GBP1: variants seen among roughly 807,000 people sequenced by gnomAD.
GBP1 encodes the protein guanylate binding protein 1.
Under a neutral mutation model 69.5 loss-of-function variants are expected in GBP1, and 64 were observed. The observed-to-expected ratio is 0.92, with a 90% CI of 0.75 to 1.13. GBP1 has a LOEUF of 1.13. Ranked by LOEUF, GBP1 falls within the 50% of genes most tolerant of loss-of-function variation. The pLI is 0.00. For missense variants in GBP1, 630 were observed against 704.1 expected, an observed-to-expected ratio of 0.89 and a Z score of 1.19; for synonymous variants, 250 against 261.2, an observed-to-expected ratio of 0.96 and a Z score of 0.41.
chr1:89,061,337 G>A (rs1260108339), intron 2 of GBP1, among the ~76,000 whole-genome samples: 1 of 152,068 alleles, frequency 6.6e-6, no homozygotes, highest in Admixed American at 6.5e-5. Flanking sequence ...CAATAGAATA[G>A]AAAAGACAGC....
rs774147151 is a variant in GBP1 at position 89,056,168 on chromosome 1, G to A, written c.1216C>T (p.Arg406Cys). The A allele has an allele frequency of 1.1e-5, 18 of 1,613,830 alleles. No individual in the cohort carries two copies. The highest frequency in any genetic ancestry group is 1.6e-4 in the Middle Eastern group (1 of 6,078). Residue 406 changes from arginine to cysteine, a missense_variant, in exon 8 of 11, where the codon CGT (arginine) becomes TGT (cysteine). This residue lies in a region of GBP1 where 367 missense variants were observed against 369.5 expected (regional missense o/e 0.99). Transcript: ENST00000370473. ...CKQNQEASSD[R>C]CSALLQVIFS... The stretch of plus-strand genomic sequence containing the variant: ...ATGACCTGAAGTAAAGCTGAGCAAC[G>A]ATCTGATGATGCTTCCTGATTCTGT...
chr1:89,052,600 A>C lies in GBP1; in HGVS notation c.*755T>G, dbSNP rs561142283. 1.7e-4 allele frequency: 26 copies of C among 152,238 alleles called. No individual in the cohort carries two copies. Among genetic ancestry groups the C allele is most frequent in the African/African-American group, 6.0e-4 (25 of 41,456 alleles). The allele number at this position is 152,238 out of a possible 1,614,324, so 9.4% of individuals were successfully genotyped here. A position where few individuals can be genotyped will look rare whatever the true frequency, so the allele number is the denominator to read the frequency against. On this transcript the variant is annotated 3_prime_UTR_variant, in exon 11 of 11. Coordinates refer to ENST00000370473, the MANE Select transcript of GBP1 (RefSeq NM_002053.3). ...AGTTACACAGCATCTTTTAAAGTCC[A>C]TCTTTGCAAATTATACGTTGCTATA... is the stretch of plus-strand genomic sequence containing the variant.
At position 89,058,219 on chromosome 1, in the gene GBP1, T is replaced by A. The variant is rs1168734846; in HGVS notation, c.647A>T (p.Asp216Val). Residue 216 changes from aspartate to valine, a missense_variant, in exon 6 of 11, where the codon GAT becomes GTT. By Grantham distance (152) the Asp-to-Val change is radical (BLOSUM62 -3). Transcript: ENST00000370473. ...GAGTCTGGGCAGGTTAAAAGTTTCATCTTTTTGACTGGTACCTAGAAAAAC... is the reference window on the plus strand; with the variant it reads ...GAGTCTGGGCAGGTTAAAAGTTTCAACTTTTTGACTGGTACCTAGAAAAAC... ...LKLKKGTSQK[D>V]ETFNLPRLCI... 1 of 1,590,896 alleles carries A rather than the reference T, an allele frequency of 6.3e-7. No individual in the cohort carries two copies. Among genetic ancestry groups the A allele is most frequent in the Non-Finnish European group, 8.5e-7 (1 of 1,171,172 alleles).
At chr1:89,055,366 C>T in intron 8 of GBP1, 151 bp from the exon 9 acceptor site, 2 of 1,342,140 alleles carry the variant, frequency 1.5e-6, no homozygotes, top group Non-Finnish European at 2.0e-6. Flanking sequence ...GCGACAGACA[C>T]ATGCTCCTGG....
At chr1:89,057,712 A>G (rs1400912005) in intron 6 of GBP1, among the ~76,000 whole-genome samples, 1 of 149,820 alleles carries the variant, frequency 6.7e-6, no homozygotes, top group African/African-American at 2.4e-5. Flanking sequence ...TAAATTATTT[A>G]CATTTATGTT....
At position 89,053,409 on chromosome 1, in the gene GBP1, C is replaced by G. The variant is rs1679966884; in HGVS notation, c.1725G>C (p.Glu575Asp). The change falls in exon 11 of 11, where the codon GAG becomes GAC. Residue 575 changes from glutamate to aspartate, a missense_variant. By Grantham distance (45) the Glu-to-Asp change is conservative. Transcript: ENST00000370473. Reference protein sequence around the residue: ...FQKESRIMKNEIQDLQTKMRR... With the variant: ...FQKESRIMKNDIQDLQTKMRR... The stretch of plus-strand genomic sequence containing the variant: ...TCATTTTCGTCTGGAGATCCTGTAT[C>G]TCATTTTTCATTATTCTGCTTTCTT... The G allele has an allele frequency of 1.2e-6, 2 of 1,613,722 alleles. No individual in the cohort carries two copies. Among genetic ancestry groups the G allele is most frequent in the African/African-American group, 1.3e-5 (1 of 74,984 alleles).
At position 89,052,438 on chromosome 1, in the gene GBP1, G is replaced by A. The variant is rs767913751; in HGVS notation, c.*917C>T. 6.6e-6 allele frequency: 1 copy of A among 152,144 alleles called. No homozygotes were observed. The highest frequency in any genetic ancestry group is 2.1e-4 in the South Asian group (1 of 4,816). 9.4% of individuals were successfully genotyped at this position (152,144 alleles called of 1,614,324 possible). Reference sequence around the variant, plus strand: ...TAAACACAAGAGCATTATTAAATGAGTCAAAAATGTCAAAAAAAATCCCAT... The same window carrying A: ...TAAACACAAGAGCATTATTAAATGAATCAAAAATGTCAAAAAAAATCCCAT... On this transcript the variant is annotated 3_prime_UTR_variant, in exon 11 of 11. Transcript: ENST00000370473.
chr1:89,055,863 G>T, intron 8 of GBP1, 153 bp downstream of exon 8: 1 of 890,338 alleles, frequency 1.1e-6, no homozygotes, highest in Non-Finnish European at 1.8e-6. Flanking sequence ...GGACATATCT[G>T]GTATAACAGC....
intron 3 of GBP1, 151 bp downstream of exon 3, chr1:89,060,046 T>C (rs374962964): frequency 7.7e-5 from 53 of 684,290 alleles, no homozygotes; most frequent in East Asian, 1.9e-4. Flanking sequence ...GGATAAGACT[T>C]ATGACACTGG....
intron 2 of GBP1, among the ~76,000 whole-genome samples, chr1:89,062,136 G>A (rs1219964354): frequency 6.6e-6 from 1 of 152,184 alleles, no homozygotes; most frequent in East Asian, 1.9e-4. Flanking sequence ...TGCAATGACT[G>A]CATGAGCCAG....
chr1:89,056,739 C>T (rs979445363), intron 7 of GBP1, 115 bp downstream of exon 7: 2 of 1,210,832 alleles, frequency 1.7e-6, no homozygotes, highest in East Asian at 2.3e-5. Flanking sequence ...CTGTTGTTTT[C>T]ACCATTATGG....
chr1:89,062,514 G>A (rs1278192196), intron 2 of GBP1, among the ~76,000 whole-genome samples: 4 of 152,202 alleles, frequency 2.6e-5, no homozygotes, highest in Non-Finnish European at 4.4e-5. Flanking sequence ...CTTTTGTTTA[G>A]TTAATACAGT....
chr1:89,056,090 C>A lies in GBP1; in HGVS notation c.1294G>T (p.Gly432Cys), dbSNP rs763936207. The A allele has an allele frequency of 6.2e-7, 1 of 1,613,856 alleles. No individual in the cohort carries two copies. Residue 432 changes from glycine to cysteine, a missense_variant, in exon 8 of 11, where the codon GGC becomes TGC. Gly to Cys is a radical substitution (Grantham distance 159). This residue lies in a region of GBP1 where 367 missense variants were observed against 369.5 expected (regional missense o/e 0.99). Coordinates refer to ENST00000370473, the MANE Select transcript of GBP1 (RefSeq NM_002053.3). ...AGCTTCTGAACAAAGAGACGATAGC[C>A]CCCTGGTTTCGAATAAATTCCCGCC... ...VKAGIYSKPG[G>C]YRLFVQKLQD...
At chr1:89,059,281 C>G (rs1361481369) in intron 4 of GBP1, 36 bp downstream of exon 4, 2 of 1,613,930 alleles carry the variant, frequency 1.2e-6, no homozygotes, top group Non-Finnish European at 1.7e-6. Context: ...GGTGTCCCCT[C>G]TGACCTTGGT....
rs943673526 is a variant in GBP1, at chr1:89,052,459, C to A, written c.*896G>T. ...ATGAGTCAAAAATGTCAAAAAAAATCCCATATTCTCTTCTGGGGAAACTCA... is the reference window on the plus strand; with the variant it reads ...ATGAGTCAAAAATGTCAAAAAAAATACCATATTCTCTTCTGGGGAAACTCA... On this transcript the variant is annotated 3_prime_UTR_variant, in exon 11 of 11. Transcript: ENST00000370473. The A allele has an allele frequency of 4.6e-5, 7 of 152,214 alleles. No individual in the cohort carries two copies. Among genetic ancestry groups the A allele is most frequent in the African/African-American group, 1.4e-4 (6 of 41,544 alleles). 9.4% of individuals were successfully genotyped at this position (152,214 alleles called of 1,614,324 possible).
chr1:89,061,653 T>C (rs948070167), intron 2 of GBP1, among the ~76,000 whole-genome samples: 7 of 152,076 alleles, frequency 4.6e-5, no homozygotes, highest in Non-Finnish European at 8.8e-5. Context: ...AAAAATAGAT[T>C]AGTGGGACTT....
In GBP1 at chr1:89,057,123, G is replaced by T. The variant is rs780123997; in HGVS notation, c.886C>A (p.Leu296Met). Residue 296 changes from leucine (L) to methionine (M), a missense_variant, in exon 7 of 11, where the codon CTG (leucine) becomes ATG (methionine). Leu to Met is a conservative substitution (Grantham distance 15). Transcript: ENST00000370473. Reference protein sequence around the residue: ...IQVNGPRLESLVLTYVNAISS... With the variant: ...IQVNGPRLESMVLTYVNAISS... ...ATGGCATTGACGTAGGTCAGCACCA[G>T]GCTCTCTAGACCTGCATATGAAGAA... 6.2e-7 allele frequency: 1 copy of T among 1,614,264 alleles called. No homozygotes were observed. The highest frequency in any genetic ancestry group is 8.5e-7 in the Non-Finnish European group (1 of 1,180,054).
At position 89,054,700 on chromosome 1, in the gene GBP1, G is replaced by A. The variant is rs1323285073; in HGVS notation, c.1647C>T (p.Thr549=). 6.2e-7 allele frequency: 1 copy of A among 1,613,842 alleles called. No individual in the cohort carries two copies. Among genetic ancestry groups the A allele is most frequent in the Admixed American group, 1.7e-5 (1 of 60,002 alleles). ...RVQLLKEQER[T]LALKLQEQEQ... The stretch of plus-strand genomic sequence containing the variant: ...TAGATACCTGAAGTTTAAGAGCGAG[G>A]GTCCTCTCTTGCTCTTTCAGCAACT... The change falls in exon 10 of 11, where the codon ACC becomes ACT. Residue 549 remains threonine (T), a synonymous_variant. Coordinates refer to ENST00000370473, the MANE Select transcript of GBP1 (RefSeq NM_002053.3).
chr1:89,054,633 T>G (rs1324957871), intron 10 of GBP1, 49 bp downstream of exon 10: 1 of 1,518,032 alleles, frequency 6.6e-7, no homozygotes, highest in South Asian at 1.2e-5. Flanking sequence ...TCAGGGAGAA[T>G]GGAGAGAAAA....
Sources: allele counts gnomAD v4.1 joint callset (sites outside exome capture counted in the v4.1 genomes callset), GRCh38; gene constraint gnomAD v4.1.1; regional missense constraint gnomAD v4.1.1; transcripts MANE v1.5; gene names NCBI Gene and HGNC (gene_info 2026-07-23, HGNC 2026-07-21).